The following BCKDHB variants were observed in gnomAD, a reference collection of about 807,000 sequenced individuals.
The protein encoded by BCKDHB is 2-oxoisovalerate dehydrogenase subunit beta, mitochondrial.
BCKDHB carries 41 observed loss-of-function variants against 48.5 expected under a neutral mutation model. The ratio of observed to expected loss-of-function variants is 0.85; its 90% CI spans 0.66 to 1.10. BCKDHB has a LOEUF of 1.10. Among genes scored for constraint, BCKDHB ranks in the 50% least tolerant of loss-of-function variants. The pLI is 0.00. For synonymous variants in BCKDHB, 201 were observed against 174.8 expected (o/e 1.15, Z -1.18); for missense variants, 496 against 494.2 (o/e 1.00, Z -0.03).
chr6:80,248,321 G>A (rs1037594942), intron 8 of BCKDHB, among the ~76,000 whole-genome samples: 1 of 152,028 alleles, frequency 6.6e-6, no homozygotes, highest in African/African-American at 2.4e-5. Flanking sequence ...TCTGAACATG[G>A]GATATAGTTC....
At chr6:80,254,589 A>G (rs1011102298) in intron 8 of BCKDHB, among the ~76,000 whole-genome samples, 6 of 151,898 alleles carry the variant, frequency 4.0e-5, no homozygotes, top group Non-Finnish European at 8.8e-5. Context: ...GGTCCCATCT[A>G]CTCTGTAGGT....
intron 9 of BCKDHB, among the ~76,000 whole-genome samples, chr6:80,286,834 A>G (rs906363526): frequency 1.9e-4 from 29 of 152,280 alleles, no homozygotes; most frequent in Admixed American, 1.8e-3. Context: ...GAAGTAGAGT[A>G]TGATTACTTA....
intron 6 of BCKDHB, among the ~76,000 whole-genome samples, chr6:80,172,299 C>T (rs1041885016): frequency 6.6e-6 from 1 of 151,958 alleles, no homozygotes; most frequent in Non-Finnish European, 1.5e-5. Context: ...AACATTTCTA[C>T]TTAGTAAGGA....
rs557448865 is a variant in BCKDHB, at chr6:80,332,710, A to C, written c.1039-10954A>C. 8.1e-3 allele frequency among the ~76,000 whole-genome samples: 1,227 copies of C among 151,148 alleles called. 21 individuals carry two copies. The highest frequency in any genetic ancestry group is 0.028 in the African/African-American group (1,158 of 41,140). On this transcript the variant is annotated intron_variant, in intron 9 of 9. Coordinates refer to ENST00000320393, the MANE Select transcript of BCKDHB (RefSeq NM_183050.4). Reference sequence around the variant, plus strand: ...TGATTTTTTTTACCCTTATAGTAAAAAAAAAAAAAAAACACCTTCAAACTT... The same window carrying C: ...TGATTTTTTTTACCCTTATAGTAAACAAAAAAAAAAAACACCTTCAAACTT...
intron 3 of BCKDHB, among the ~76,000 whole-genome samples, chr6:80,164,771 C>T (rs1772490525): frequency 6.6e-6 from 1 of 152,102 alleles, no homozygotes; most frequent in Admixed American, 6.5e-5. Context: ...TCTTTCTTGG[C>T]TCATAGTGCA....
chr6:80,141,923 T>C (rs1771236393), intron 3 of BCKDHB, among the ~76,000 whole-genome samples: 2 of 152,118 alleles, frequency 1.3e-5, no homozygotes, highest in Admixed American at 6.6e-5. Flanking sequence ...AAAATTCTCT[T>C]CTAGACTGGT....
At chr6:80,382,958 A>C in the BCKDHB span, among the ~76,000 whole-genome samples, 2 of 152,148 alleles carry the variant, frequency 1.3e-5, no homozygotes, top group Non-Finnish European at 2.9e-5. Flanking sequence ...TACTGTGAAT[A>C]TATATAACCA....
the BCKDHB span, among the ~76,000 whole-genome samples, chr6:80,412,621 T>C: frequency 5.9e-5 from 9 of 152,342 alleles, no homozygotes; most frequent in East Asian, 1.2e-3. Flanking sequence ...CCATGAGTTG[T>C]ATACCTTCAA....
At chr6:80,126,006 A>G (rs1215933940) in intron 1 of BCKDHB, among the ~76,000 whole-genome samples, 1 of 152,220 alleles carries the variant, frequency 6.6e-6, no homozygotes, top group Non-Finnish European at 1.5e-5. Flanking sequence ...GTATGCCTGT[A>G]TCTATTAAGT....
the BCKDHB span, among the ~76,000 whole-genome samples, chr6:80,435,877 C>A: frequency 6.6e-6 from 1 of 152,016 alleles, no homozygotes; most frequent in Non-Finnish European, 1.5e-5. Context: ...ACTAAAAATA[C>A]AAAAGATTAG....
At chr6:80,400,897 A>C in the BCKDHB span, among the ~76,000 whole-genome samples, 1 of 152,054 alleles carries the variant, frequency 6.6e-6, no homozygotes, top group Non-Finnish European at 1.5e-5. Context: ...AGAAAGAATG[A>C]GATCATGTTC....
the BCKDHB span, among the ~76,000 whole-genome samples, chr6:80,397,591 G>A: frequency 1.3e-5 from 2 of 152,238 alleles, no homozygotes; most frequent in African/African-American, 4.8e-5. Context: ...AGAATAAAAA[G>A]CTTACTCAAG....
intron 8 of BCKDHB, among the ~76,000 whole-genome samples, chr6:80,206,289 G>A (rs547021337): frequency 8.7e-5 from 8 of 92,448 alleles, no homozygotes; most frequent in South Asian, 5.1e-4. Context: ...CTCTATCTGC[G>A]CAGCAGAGCC....
In BCKDHB at chr6:80,140,346, C is replaced by T. The variant is rs371342338; in HGVS notation, c.343+11117C>T. Among the ~76,000 whole-genome samples the T allele has an allele frequency of 1.8e-3, 269 of 152,194 alleles. 1 individual carries two copies. The highest frequency in any genetic ancestry group is 6.1e-3 in the African/African-American group (255 of 41,520). ...CCAGAACTTCCAACACTATGTTGAA[C>T]AGGAGTGGTGAGAGAGGACATCCCT... On this transcript the variant is annotated intron_variant, in intron 3 of 9. Transcript: ENST00000320393.
chr6:80,311,201 T>C (rs1768140661), intron 9 of BCKDHB, among the ~76,000 whole-genome samples: 1 of 152,236 alleles, frequency 6.6e-6, no homozygotes, highest in Non-Finnish European at 1.5e-5. Flanking sequence ...TGCCATCATC[T>C]ATGTAAGATG....
chr6:80,400,287 C>T, the BCKDHB span, among the ~76,000 whole-genome samples: 2 of 151,914 alleles, frequency 1.3e-5, no homozygotes, highest in East Asian at 3.9e-4. Flanking sequence ...AACAGACAAC[C>T]TATAGAATGG....
the BCKDHB span, among the ~76,000 whole-genome samples, chr6:80,378,047 T>C: frequency 6.6e-6 from 1 of 152,062 alleles, no homozygotes; most frequent in African/African-American, 2.4e-5. Flanking sequence ...CTTTGATAAA[T>C]TTACTGCAAA....
intron 5 of BCKDHB, chr6:80,169,831 T>G (rs1201004171): frequency 6.2e-7 from 1 of 1,609,442 alleles, no homozygotes; most frequent in Non-Finnish European, 8.5e-7. Flanking sequence ...TAAGCTTATC[T>G]TAGTTGAGTA....
rs181644582 is a variant in BCKDHB at position 80,157,679 on chromosome 6, A to T, written c.344-9999A>T. ...TTTTAAATAGAGACAGGGTTTCTCC[A>T]TGTTGGTCAGGCTGGTCTTGAACTC... On this transcript the variant is annotated intron_variant, in intron 3 of 9. Transcript: ENST00000320393. Among the ~76,000 whole-genome samples the T allele has an allele frequency of 1.7e-3, 257 of 149,964 alleles. 1 individual carries two copies. The highest frequency in any genetic ancestry group is 6.0e-3 in the African/African-American group (243 of 40,676).
Sources: gnomAD v4.1 joint callset for allele counts (sites outside exome capture counted in the v4.1 genomes callset) on GRCh38, gnomAD v4.1.1 for gene constraint, MANE v1.5 for transcripts, NCBI Gene and HGNC (gene_info 2026-07-23, HGNC 2026-07-21) for gene names.